PRKN: variants seen among roughly 807,000 people sequenced by gnomAD.
PRKN encodes E3 ubiquitin-protein ligase parkin.
PRKN carries 56 observed loss-of-function variants against 59.5 expected under a neutral mutation model. The observed-to-expected ratio is 0.94, with a 90% CI of 0.76 to 1.18. PRKN has a LOEUF of 1.18. PRKN is among the 50% of genes most tolerant of loss of function. PRKN has a pLI of 0.00. For synonymous variants in PRKN, 250 were observed against 222.1 expected (o/e 1.13, Z -1.12); for missense variants, 657 against 596.4 (o/e 1.10, Z -1.06).
chr6:162,078,873 C>A (rs1778941704), intron 4 of PRKN, among the ~76,000 whole-genome samples: 1 of 56,832 alleles, frequency 1.8e-5, no homozygotes, highest in Admixed American at 2.5e-4. Flanking sequence ...ATAATTAATA[C>A]TTAATAATTA....
intron 9 of PRKN, among the ~76,000 whole-genome samples, chr6:161,464,957 C>T (rs1391618667): frequency 6.6e-6 from 1 of 152,202 alleles, no homozygotes; most frequent in Non-Finnish European, 1.5e-5. Context: ...CTTAGCTCTT[C>T]AAGGAGGTGA....
chr6:161,504,478 G>A (rs971525486), intron 9 of PRKN, among the ~76,000 whole-genome samples: 1 of 152,148 alleles, frequency 6.6e-6, no homozygotes, highest in Non-Finnish European at 1.5e-5. Context: ...TTACAAGTCA[G>A]GAGTTGTTGC....
chr6:161,872,777 T>C lies in PRKN; in HGVS notation c.735-86869A>G, dbSNP rs566651176. On this transcript the variant is annotated intron_variant, in intron 6 of 11. Coordinates refer to ENST00000366898, the MANE Select transcript of PRKN (RefSeq NM_004562.3). ...AGCACCTGAGCCCTCTGCCTCAGGC[T>C]CTGCTTCCTGGAGAGCCCAGGCTCT... Among the ~76,000 whole-genome samples the C allele has an allele frequency of 1.0e-3, 155 of 152,178 alleles. 1 individual carries two copies. The highest frequency in any genetic ancestry group is 2.4e-4 in the Non-Finnish European group (16 of 68,022).
At chr6:162,382,756 T>C (rs1786558798) in intron 2 of PRKN, among the ~76,000 whole-genome samples, 1 of 152,216 alleles carries the variant, frequency 6.6e-6, no homozygotes. Context: ...CATATGATGC[T>C]GATAGCATTT....
At chr6:161,411,226 A>C (rs1402958887) in intron 9 of PRKN, among the ~76,000 whole-genome samples, 1 of 152,076 alleles carries the variant, frequency 6.6e-6, no homozygotes, top group Non-Finnish European at 1.5e-5. Flanking sequence ...CCCACACGTC[A>C]AGAGTGGGGC....
At chr6:161,492,455 C>A (rs188093644) in intron 9 of PRKN, among the ~76,000 whole-genome samples, 192 of 152,324 alleles carry the variant, frequency 1.3e-3, no homozygotes, top group Non-Finnish European at 2.5e-3. Context: ...AAGCAGTCAA[C>A]GTGAAAAGTT....
intron 7 of PRKN, among the ~76,000 whole-genome samples, chr6:161,735,864 G>A (rs1173533281): frequency 6.6e-6 from 1 of 151,864 alleles, no homozygotes; most frequent in Non-Finnish European, 1.5e-5. Context: ...GTGGTGAGCC[G>A]AGATTGCTCC....
chr6:162,440,301 T>C (rs2128166457), intron 2 of PRKN, among the ~76,000 whole-genome samples: 1 of 152,314 alleles, frequency 6.6e-6, no homozygotes, highest in Non-Finnish European at 1.5e-5. Flanking sequence ...AATTCTATTA[T>C]AATCTTACAA....
At chr6:162,086,704 C>G (rs1192424685) in intron 4 of PRKN, among the ~76,000 whole-genome samples, 1 of 152,150 alleles carries the variant, frequency 6.6e-6, no homozygotes, top group Non-Finnish European at 1.5e-5. Context: ...ACAGACACAT[C>G]TGGGAGAATG....
At position 161,460,269 on chromosome 6, in the gene PRKN, A is replaced by T. The variant is rs1790143910; in HGVS notation, c.1084-73392T>A. On this transcript the variant is annotated intron_variant, in intron 9 of 11. Coordinates refer to ENST00000366898, the MANE Select transcript of PRKN (RefSeq NM_004562.3). The surrounding 1 kb of genome is among the most constrained non-coding windows in gnomAD (Gnocchi z 5.0). ...TTTTATTTAATTCTTGTTGATGGGC[A>T]CCGTGTGTTTACAGAGGAGAGTGCC... 6.6e-6 allele frequency among the ~76,000 whole-genome samples: 1 copy of T among 152,208 alleles called. No homozygotes were observed. The highest frequency in any genetic ancestry group is 1.5e-5 in the Non-Finnish European group (1 of 68,034).
intron 7 of PRKN, among the ~76,000 whole-genome samples, chr6:161,679,326 G>A (rs1028003716): frequency 6.6e-6 from 1 of 152,100 alleles, no homozygotes; most frequent in African/African-American, 2.4e-5. Flanking sequence ...TGCTAAAGAC[G>A]CCTGCAAGAC....
Position 161,357,490 on chromosome 6 carries a change from T to C in PRKN, c.1285+2598A>G, listed in dbSNP as rs550742033. Among the ~76,000 whole-genome samples the C allele has an allele frequency of 3.9e-5, 6 of 152,328 alleles. No individual in the cohort carries two copies. Among genetic ancestry groups the C allele is most frequent in the Non-Finnish European group, 8.8e-5 (6 of 68,022 alleles). On this transcript the variant is annotated intron_variant, in intron 11 of 11. Coordinates refer to ENST00000366898, the MANE Select transcript of PRKN (RefSeq NM_004562.3). This position sits in a 1 kb window ranked among gnomAD's most constrained non-coding sequence, Gnocchi z 5.5. ...GTGACGCCTGCCAGAAGTGGGAACA[T>C]GGGTGGGTGTTTAAGGATCCCCTTT... is the stretch of plus-strand genomic sequence containing the variant.
chr6:162,697,951 T>A (rs187806815), intron 1 of PRKN, among the ~76,000 whole-genome samples: 1 of 152,170 alleles, frequency 6.6e-6, no homozygotes, highest in Admixed American at 6.5e-5. Flanking sequence ...TCAGGAGGTA[T>A]GGAGAATACA....
chr6:162,268,566 A>G (rs1189567110), intron 2 of PRKN, among the ~76,000 whole-genome samples: 2 of 152,244 alleles, frequency 1.3e-5, no homozygotes, highest in Non-Finnish European at 2.9e-5. Flanking sequence ...TAGTGTGTAA[A>G]TCCAAGAGAA....
At chr6:162,533,537 C>CA (rs1045573250) in intron 1 of PRKN, among the ~76,000 whole-genome samples, 1 of 151,706 alleles carries the variant, frequency 6.6e-6, no homozygotes, top group Non-Finnish European at 1.5e-5. Flanking sequence ...CAAAAAAAGA[C>CA]AAAAAATCCA....
intron 4 of PRKN, among the ~76,000 whole-genome samples, chr6:162,137,639 T>G (rs1781604478): frequency 1.3e-5 from 2 of 152,140 alleles, no homozygotes; most frequent in Admixed American, 6.6e-5. Flanking sequence ...GCAAGGTCTT[T>G]GTGTTGTGTC....
intron 1 of PRKN, among the ~76,000 whole-genome samples, chr6:162,483,219 G>A (rs954718231): frequency 6.6e-6 from 1 of 152,084 alleles, no homozygotes; most frequent in East Asian, 1.9e-4. Flanking sequence ...TCCTCTCTGA[G>A]AAACAGACAT....
intron 7 of PRKN, among the ~76,000 whole-genome samples, chr6:161,679,077 G>A (rs541297074): frequency 6.6e-6 from 1 of 152,232 alleles, no homozygotes; most frequent in South Asian, 2.1e-4. Context: ...AACCAGCACA[G>A]CTCCAGATGA....
intron 6 of PRKN, among the ~76,000 whole-genome samples, chr6:161,948,185 C>T (rs933335482): frequency 1.3e-5 from 2 of 152,092 alleles, no homozygotes; most frequent in African/African-American, 2.4e-5. Flanking sequence ...GGGGATTTCA[C>T]CATGTTGGCC....
Sources: allele counts gnomAD v4.1 joint callset (sites outside exome capture counted in the v4.1 genomes callset), GRCh38; gene constraint gnomAD v4.1.1; non-coding constraint Gnocchi (gnomAD v3.1); transcripts MANE v1.5; gene names NCBI Gene and HGNC (gene_info 2026-07-23, HGNC 2026-07-21).